Variants in FBXL5 observed in about 807,000 individuals in gnomAD.
FBXL5 encodes the protein F-box/LRR-repeat protein 5.
Under a neutral mutation model 78.3 loss-of-function variants are expected in FBXL5, and 26 were observed. The ratio of observed to expected loss-of-function variants is 0.33; its 90% CI spans 0.24 to 0.46. The LOEUF (loss-of-function observed/expected upper bound fraction) is 0.46. FBXL5 is among the 20% of genes least tolerant of loss of function. The probability of loss-of-function intolerance (pLI) is 1.00; values close to 1 mark genes in which losing one functional copy is unlikely to be tolerated. For missense variants in FBXL5, 710 were observed against 829.2 expected, an observed-to-expected ratio of 0.86 and a Z score of 1.77; for synonymous variants, 295 against 282.5, an observed-to-expected ratio of 1.04 and a Z score of -0.45.
At position 15,625,696 on chromosome 4, in the gene FBXL5, A is replaced by G; in HGVS notation, c.1406T>C (p.Val469Ala). The G allele has an allele frequency of 6.2e-7, 1 of 1,614,232 alleles. No homozygotes were observed. The highest frequency in any genetic ancestry group is 8.5e-7 in the Non-Finnish European group (1 of 1,180,040). The change falls in exon 9 of 11, where the codon GTT becomes GCT. Residue 469 changes from valine to alanine, a missense_variant. Physicochemically the swap from Val to Ala is moderately conservative, Grantham distance 64. This residue lies in a region of FBXL5 where 517 missense variants were observed against 542.9 expected (regional missense o/e 0.95). Coordinates refer to ENST00000341285, the MANE Select transcript of FBXL5 (RefSeq NM_012161.4). ...IDNEHPWTKP[V>A]SSENFTSPYV... ...AGGAGAAGTGAAATTCTCAGAAGAA[A>G]CAGGCTTAGTCCAGGGGTGTTCATT...
chr4:15,655,571 T>C (rs1310123469), upstream of FBXL5, among the ~76,000 whole-genome samples: 1 of 152,112 alleles, frequency 6.6e-6, no homozygotes, highest in Admixed American at 6.5e-5. Flanking sequence ...AACCCAAACC[T>C]TTTCCCTGTT....
chr4:15,612,776 T>G (rs1290390798), intron 9 of FBXL5, among the ~76,000 whole-genome samples: 1 of 152,124 alleles, frequency 6.6e-6, no homozygotes, highest in Admixed American at 6.6e-5. Context: ...GCTTAAAACC[T>G]AATAAGCAGT....
At chr4:15,618,740 G>A (rs945271406) in intron 9 of FBXL5, among the ~76,000 whole-genome samples, 4 of 152,132 alleles carry the variant, frequency 2.6e-5, no homozygotes, top group African/African-American at 9.7e-5. Context: ...TACTTGGGAG[G>A]GTGAGACAGG....
At chr4:15,618,609 G>A (rs1712142972) in intron 9 of FBXL5, among the ~76,000 whole-genome samples, 1 of 152,240 alleles carries the variant, frequency 6.6e-6, no homozygotes, top group African/African-American at 2.4e-5. Context: ...GGGAGGCCAA[G>A]GCAGGTGGAT....
At chr4:15,660,524 C>T (rs951000396), upstream of FBXL5, among the ~76,000 whole-genome samples, 4 of 152,160 alleles carry the variant, frequency 2.6e-5, no homozygotes, top group African/African-American at 7.2e-5. Context: ...TGACCAATAG[C>T]CTGGCTAATA....
At chr4:15,612,671 C>G (rs544195682) in intron 9 of FBXL5, among the ~76,000 whole-genome samples, 78 of 152,170 alleles carry the variant, frequency 5.1e-4, no homozygotes, top group Non-Finnish European at 8.1e-4. Context: ...CATGGTAACT[C>G]AATTCTTAGA....
intron 5 of FBXL5, among the ~76,000 whole-genome samples, chr4:15,633,100 C>T (rs1424647423): frequency 6.6e-6 from 1 of 152,118 alleles, no homozygotes; most frequent in African/African-American, 2.4e-5. Flanking sequence ...ATTTCAGACA[C>T]ACTGAGAAGA....
intron 10 of FBXL5, among the ~76,000 whole-genome samples, chr4:15,607,178 T>C (rs957499572): frequency 2.0e-5 from 3 of 152,164 alleles, no homozygotes; most frequent in Admixed American, 2.0e-4. Flanking sequence ...GGAGTAGATA[T>C]GGGAATGAGC....
chr4:15,625,943 G>T lies in FBXL5; in HGVS notation c.1159C>A (p.His387Asn). ...TTCTCACAACCAGACAGATCAAGATGCCGAAGACTCTGGCAGCAACCAAGC... is the reference window on the plus strand; with the variant it reads ...TTCTCACAACCAGACAGATCAAGATTCCGAAGACTCTGGCAGCAACCAAGC... ...SWLGCCQSLR[H>N]LDLSGCEKIT... Residue 387 changes from histidine (H) to asparagine (N), a missense_variant, in exon 9 of 11, where the codon CAT becomes AAT. His to Asn is a moderately conservative substitution (Grantham distance 68, BLOSUM62 1). Transcript: ENST00000341285. The T allele has an allele frequency of 6.3e-7, 1 of 1,599,792 alleles. No individual in the cohort carries two copies.
chr4:15,620,108 G>T (rs946314538), intron 9 of FBXL5, among the ~76,000 whole-genome samples: 1 of 151,748 alleles, frequency 6.6e-6, no homozygotes, highest in African/African-American at 2.4e-5. Flanking sequence ...ATAAAGAGTC[G>T]ACACACACAA....
intron 2 of FBXL5, among the ~76,000 whole-genome samples, 170 bp downstream of exon 2, chr4:15,644,323 C>T (rs911508357): frequency 6.6e-6 from 1 of 152,174 alleles, no homozygotes; most frequent in African/African-American, 2.4e-5. Flanking sequence ...CTGCAAACTC[C>T]CCACTGCAGT....
At position 15,636,465 on chromosome 4, in the gene FBXL5, GAAAATATTTTA is replaced by G; in HGVS notation, c.766+18_766+28del. 1.4e-6 allele frequency: 2 copies of G among 1,455,734 alleles called. No homozygotes were observed. Among genetic ancestry groups the G allele is most frequent in the Non-Finnish European group, 1.8e-6 (2 of 1,094,048 alleles). 90.2% of individuals were successfully genotyped at this position (1,455,734 alleles called of 1,614,324 possible). A position where few individuals can be genotyped will look rare whatever the true frequency, so the allele number is the denominator to read the frequency against. On this transcript the variant is annotated intron_variant, in intron 5 of 10. Coordinates refer to ENST00000341285, the MANE Select transcript of FBXL5 (RefSeq NM_012161.4). ...TGAATATTCATCTAGAAAAATACAT[GAAAATATTTTA>G]AAAACCCATTTACCTACCTCTGGCC... is the stretch of plus-strand genomic sequence containing the variant.
upstream of FBXL5, among the ~76,000 whole-genome samples, chr4:15,664,763 TG>T (rs1345506073): frequency 5.3e-5 from 8 of 151,870 alleles, no homozygotes; most frequent in Non-Finnish European, 8.8e-5. Context: ...TTCACCATGT[TG>T]GCCAGGCTAG....
chr4:15,656,123 G>T, upstream of FBXL5: 1 of 454,518 alleles, frequency 2.2e-6, no homozygotes, highest in South Asian at 1.6e-5. Flanking sequence ...GACGGGCCTT[G>T]GGGGTGGGGA....
chr4:15,655,073 G>A (rs141324869), intron 1 of FBXL5, 131 bp downstream of exon 1: 72,662 of 610,762 alleles, frequency 0.12, 4,731 homozygotes, highest in Non-Finnish European at 0.13. Context: ...GCTGACAGCT[G>A]CGCAGGCGGC....
chr4:15,634,088 C>T (rs1713973195), intron 5 of FBXL5, among the ~76,000 whole-genome samples: 1 of 152,104 alleles, frequency 6.6e-6, no homozygotes, highest in African/African-American at 2.4e-5. Context: ...AAAATGCCTC[C>T]AGATATTTCA....
chr4:15,654,984 G>C (rs554754388), intron 1 of FBXL5, among the ~76,000 whole-genome samples: 1 of 151,706 alleles, frequency 6.6e-6, no homozygotes, highest in Non-Finnish European at 1.5e-5. Flanking sequence ...CGCCCGCCCC[G>C]AGAGCACGTC....
intron 6 of FBXL5, 127 bp from the exon 7 acceptor site, chr4:15,628,160 C>A: frequency 2.8e-5 from 25 of 896,814 alleles, no homozygotes; most frequent in South Asian, 7.5e-5. Context: ...GTAAACCATC[C>A]CATTTTTAGG....
chr4:15,619,473 A>G (rs985405028), intron 9 of FBXL5, among the ~76,000 whole-genome samples: 1 of 152,236 alleles, frequency 6.6e-6, no homozygotes, highest in African/African-American at 2.4e-5. Flanking sequence ...AAAACCCAAT[A>G]TTCTTTAAAC....
Sources: allele counts gnomAD v4.1 joint callset (sites outside exome capture counted in the v4.1 genomes callset), GRCh38; gene constraint gnomAD v4.1.1; regional missense constraint gnomAD v4.1.1; transcripts MANE v1.5; gene names NCBI Gene and HGNC (gene_info 2026-07-23, HGNC 2026-07-21).